Variants in GREM2 observed in about 807,000 individuals in gnomAD.
GREM2 encodes the protein gremlin 2, DAN family BMP antagonist.
Under a neutral mutation model 14.2 loss-of-function variants are expected in GREM2, and 11 were observed. The ratio of observed to expected loss-of-function variants is 0.78; its 90% confidence interval spans 0.49 to 1.28. The LOEUF (loss-of-function observed/expected upper bound fraction) is 1.28, where lower values mean the gene tolerates loss of function less well. Ranked by LOEUF, GREM2 falls within the 50% of genes most tolerant of loss-of-function variation. The pLI is 0.00. For missense variants in GREM2, 210 were observed against 218.5 expected, an observed-to-expected ratio of 0.96 and a Z score of 0.24; for synonymous variants, 98 against 97.6, an observed-to-expected ratio of 1.00 and a Z score of -0.02.
intron 1 of GREM2, among the ~76,000 whole-genome samples, chr1:240,508,303 C>T (rs756512345): frequency 1.3e-5 from 2 of 152,154 alleles, no homozygotes; most frequent in African/African-American, 2.4e-5. Context: ...TGTATTTGCT[C>T]ATATTCAAAC....
intron 1 of GREM2, among the ~76,000 whole-genome samples, chr1:240,515,210 T>C (rs1386458832): frequency 6.6e-6 from 1 of 152,194 alleles, no homozygotes; most frequent in Non-Finnish European, 1.5e-5. Flanking sequence ...AATTGTGCCA[T>C]TAAGCTTGCT....
intron 1 of GREM2, among the ~76,000 whole-genome samples, chr1:240,603,606 A>G (rs916069821): frequency 6.7e-6 from 1 of 150,098 alleles, no homozygotes; most frequent in African/African-American, 2.4e-5. Context: ...GGTTGACATC[A>G]AATTTACTGC....
intron 1 of GREM2, among the ~76,000 whole-genome samples, chr1:240,507,688 CA>C (rs1677712564): frequency 6.8e-6 from 1 of 147,734 alleles, no homozygotes; most frequent in African/African-American, 2.5e-5. Context: ...CAAGGAAAAG[CA>C]GGAATAGCAA....
intron 1 of GREM2, among the ~76,000 whole-genome samples, chr1:240,552,963 T>G (rs931061139): frequency 5.3e-5 from 8 of 152,214 alleles, no homozygotes; most frequent in African/African-American, 1.2e-4. Flanking sequence ...ATCCCCTTTC[T>G]TTTACATTAC....
chr1:240,552,387 C>G (rs1172420569), intron 1 of GREM2, among the ~76,000 whole-genome samples: 2 of 152,014 alleles, frequency 1.3e-5, no homozygotes, highest in East Asian at 3.8e-4. Context: ...TTGAGACCAG[C>G]CTGGACAACA....
At chr1:240,511,086 C>G (rs1027961169) in intron 1 of GREM2, among the ~76,000 whole-genome samples, 1 of 152,166 alleles carries the variant, frequency 6.6e-6, no homozygotes, top group African/African-American at 2.4e-5. Context: ...TTCAGTTTTA[C>G]AAGTAATACT....
intron 1 of GREM2, among the ~76,000 whole-genome samples, chr1:240,609,716 T>C (rs910357796): frequency 6.6e-6 from 1 of 152,212 alleles, no homozygotes; most frequent in Non-Finnish European, 1.5e-5. Context: ...TGAACTAATC[T>C]GTTGAGTGCC....
At chr1:240,602,812 CA>C (rs949238827) in intron 1 of GREM2, among the ~76,000 whole-genome samples, 53 of 140,250 alleles carry the variant, frequency 3.8e-4, no homozygotes, top group African/African-American at 1.4e-3. Context: ...AGACTGATCT[CA>C]AAAAAAATCC....
chr1:240,546,522 ATC>A, intron 1 of GREM2, among the ~76,000 whole-genome samples: 1 of 152,274 alleles, frequency 6.6e-6, no homozygotes, highest in East Asian at 1.9e-4. Flanking sequence ...TTATCATATT[ATC>A]TCTGCCTCCG....
chr1:240,605,437 A>G (rs1206923163), intron 1 of GREM2, among the ~76,000 whole-genome samples: 1 of 152,102 alleles, frequency 6.6e-6, no homozygotes, highest in Non-Finnish European at 1.5e-5. Flanking sequence ...AGATCATGCC[A>G]CTGCACCACT....
chr1:240,570,971 A>G lies in GREM2; in HGVS notation c.-2+40913T>C, dbSNP rs533162610. ...CATACAGGAGAAAACTGGCATATCCAGGTTAAATACCTACATATTGAAATC... is the reference window on the plus strand; with the variant it reads ...CATACAGGAGAAAACTGGCATATCCGGGTTAAATACCTACATATTGAAATC... On this transcript the variant is annotated intron_variant, in intron 1 of 1. Transcript: ENST00000318160. Among the ~76,000 whole-genome samples the G allele has an allele frequency of 2.6e-5, 4 of 152,348 alleles. No homozygotes were observed. The East Asian group carries it at 7.7e-4, about 29-fold the overall frequency.
chr1:240,564,817 G>T (rs1395928927), intron 1 of GREM2, among the ~76,000 whole-genome samples: 1 of 152,194 alleles, frequency 6.6e-6, no homozygotes, highest in African/African-American at 2.4e-5. Flanking sequence ...AGGTGGCACT[G>T]GTGTGGCCAT....
At chr1:240,597,422 A>G (rs993271500) in intron 1 of GREM2, among the ~76,000 whole-genome samples, 1 of 152,234 alleles carries the variant, frequency 6.6e-6, no homozygotes, top group Non-Finnish European at 1.5e-5. Context: ...AGAGCTGGGA[A>G]CTGCTGAGAA....
intron 1 of GREM2, among the ~76,000 whole-genome samples, chr1:240,587,847 G>C (rs533629356): frequency 6.6e-6 from 1 of 152,308 alleles, no homozygotes; most frequent in African/African-American, 2.4e-5. Context: ...CACTGAGGTA[G>C]TATTATTCTC....
chr1:240,520,108 A>AAAATAAAATAAAATAAAAT (rs1220016301), intron 1 of GREM2, among the ~76,000 whole-genome samples: 3 of 152,062 alleles, frequency 2.0e-5, no homozygotes, highest in East Asian at 1.9e-4. Context: ...AAAATAAAAT[A>AAAATAAAATAAAATAAAAT]AAATAAAATA....
intron 1 of GREM2, among the ~76,000 whole-genome samples, chr1:240,592,583 TA>T (rs1679734039): frequency 6.6e-6 from 1 of 152,172 alleles, no homozygotes; most frequent in Non-Finnish European, 1.5e-5. Context: ...TGACATGTGA[TA>T]GAAACCACTT....
At chr1:240,557,891 T>C (rs1283422561) in intron 1 of GREM2, among the ~76,000 whole-genome samples, 2 of 151,210 alleles carry the variant, frequency 1.3e-5, no homozygotes, top group Admixed American at 1.3e-4. Flanking sequence ...ATTATGCAGG[T>C]AAAGAAAAGT....
chr1:240,522,844 C>T (rs1175465744), intron 1 of GREM2, among the ~76,000 whole-genome samples: 1 of 151,904 alleles, frequency 6.6e-6, no homozygotes. Flanking sequence ...AACAAGAGGC[C>T]ACGAAGGAAG....
chr1:240,513,339 G>A (rs941644265), intron 1 of GREM2, among the ~76,000 whole-genome samples: 2 of 152,188 alleles, frequency 1.3e-5, no homozygotes, highest in African/African-American at 2.4e-5. Flanking sequence ...CACTTTGGGA[G>A]ACCGAGGCGG....
Sources: gnomAD v4.1 joint callset for allele counts (sites outside exome capture counted in the v4.1 genomes callset) on GRCh38, gnomAD v4.1.1 for gene constraint, MANE v1.5 for transcripts, NCBI Gene and HGNC (gene_info 2026-07-23, HGNC 2026-07-21) for gene names.